SYNDIG1: variants seen among roughly 807,000 people sequenced by gnomAD.
The protein encoded by SYNDIG1 is synapse differentiation-inducing gene protein 1.
Under a neutral mutation model 19.4 loss-of-function variants are expected in SYNDIG1, and 9 were observed. The observed-to-expected ratio is 0.46, with a 90% CI of 0.28 to 0.81. The LOEUF (loss-of-function observed/expected upper bound fraction) is 0.81. Among genes scored for constraint, SYNDIG1 ranks in the 30% least tolerant of loss-of-function variants. The pLI is 0.12. For synonymous variants in SYNDIG1, 141 were observed against 145.9 expected (o/e 0.97, Z 0.24); for missense variants, 311 against 343.3 (o/e 0.91, Z 0.74).
intron 1 of SYNDIG1, among the ~76,000 whole-genome samples, chr20:24,510,569 C>CAA (rs372050983): frequency 4.4e-5 from 3 of 67,946 alleles, no homozygotes; most frequent in Admixed American, 1.7e-4. Context: ...AACTTGATCT[C>CAA]AAAAAAAAAA....
chr20:24,626,902 C>T (rs1384200924), intron 3 of SYNDIG1, among the ~76,000 whole-genome samples: 1 of 152,246 alleles, frequency 6.6e-6, no homozygotes, highest in African/African-American at 2.4e-5. Flanking sequence ...AGCGAAACCC[C>T]GTCTCCACCA....
intron 1 of SYNDIG1, among the ~76,000 whole-genome samples, chr20:24,475,039 A>T (rs868861338): frequency 1.3e-5 from 2 of 152,214 alleles, no homozygotes; most frequent in Admixed American, 1.3e-4. Context: ...CCCCACTTAG[A>T]AAAGCAAATA....
intron 1 of SYNDIG1, among the ~76,000 whole-genome samples, chr20:24,531,765 TGTGCTAC>T (rs1177586205): frequency 2.0e-5 from 3 of 152,246 alleles, no homozygotes; most frequent in African/African-American, 7.2e-5. Flanking sequence ...GTGTGCTATG[TGTGCTAC>T]GTGCAGGTGG....
intron 3 of SYNDIG1, among the ~76,000 whole-genome samples, chr20:24,609,977 A>T (rs921342542): frequency 6.6e-6 from 1 of 152,066 alleles, no homozygotes; most frequent in Non-Finnish European, 1.5e-5. Flanking sequence ...ACTGCTCACC[A>T]CCACCACATG....
At chr20:24,490,193 G>C (rs1233367339) in intron 1 of SYNDIG1, among the ~76,000 whole-genome samples, 1 of 152,248 alleles carries the variant, frequency 6.6e-6, no homozygotes, top group Non-Finnish European at 1.5e-5. Flanking sequence ...GGTTTGTCAT[G>C]GAGGGATCAG....
At chr20:24,646,085 T>G (rs919244739) in intron 3 of SYNDIG1, among the ~76,000 whole-genome samples, 6 of 152,174 alleles carry the variant, frequency 3.9e-5, no homozygotes, top group Non-Finnish European at 8.8e-5. Context: ...TCTGAGCCCC[T>G]CTTCAGTCAG....
At chr20:24,512,882 G>C (rs1325815795) in intron 1 of SYNDIG1, among the ~76,000 whole-genome samples, 1 of 152,120 alleles carries the variant, frequency 6.6e-6, no homozygotes, top group East Asian at 1.9e-4. Flanking sequence ...ACCATAGTAG[G>C]GGCAGACTGA....
chr20:24,496,780 A>G (rs1568585002), intron 1 of SYNDIG1, among the ~76,000 whole-genome samples: 4 of 152,168 alleles, frequency 2.6e-5, no homozygotes, highest in East Asian at 1.9e-4. Flanking sequence ...CCCTGACACA[A>G]TATACCCAGA....
At chr20:24,551,103 A>G (rs1262009162) in intron 2 of SYNDIG1, among the ~76,000 whole-genome samples, 1 of 152,192 alleles carries the variant, frequency 6.6e-6, no homozygotes. Flanking sequence ...TTTGTTTGTT[A>G]GAACTCACCA....
intron 2 of SYNDIG1, among the ~76,000 whole-genome samples, chr20:24,575,307 A>T (rs1284222076): frequency 6.6e-6 from 1 of 152,236 alleles, no homozygotes. Context: ...ATTTAAAGAA[A>T]TAGGACGGAG....
At chr20:24,557,301 G>T (rs961516740) in intron 2 of SYNDIG1, among the ~76,000 whole-genome samples, 1 of 152,070 alleles carries the variant, frequency 6.6e-6, no homozygotes, top group African/African-American at 2.4e-5. Context: ...TTCTTCTCTC[G>T]ACTCGTCAAA....
chr20:24,647,488 G>T (rs2059433209), intron 3 of SYNDIG1, among the ~76,000 whole-genome samples: 1 of 152,080 alleles, frequency 6.6e-6, no homozygotes, highest in Non-Finnish European at 1.5e-5. Context: ...TCTTTGGGAA[G>T]GGGAATGGTG....
chr20:24,574,415 G>T (rs1378650002), intron 2 of SYNDIG1, among the ~76,000 whole-genome samples: 1 of 152,100 alleles, frequency 6.6e-6, no homozygotes, highest in Non-Finnish European at 1.5e-5. Context: ...CTTCAACCTG[G>T]GAGGTGGAGG....
chr20:24,664,747 G>A (rs1388638693), intron 3 of SYNDIG1, among the ~76,000 whole-genome samples: 1 of 152,120 alleles, frequency 6.6e-6, no homozygotes, highest in East Asian at 1.9e-4. Flanking sequence ...GGGTGGGGAC[G>A]GTCAGGAAGT....
intron 2 of SYNDIG1, among the ~76,000 whole-genome samples, chr20:24,548,184 G>A (rs1169689432): frequency 6.6e-6 from 1 of 152,172 alleles, no homozygotes; most frequent in Admixed American, 6.5e-5. Context: ...TCACACACGT[G>A]GCTCTGCTGT....
At position 24,665,606 on chromosome 20, in the gene SYNDIG1, T is replaced by C; in HGVS notation, c.*102T>C. 2.0e-6 allele frequency: 3 copies of C among 1,494,340 alleles called. No individual in the cohort carries two copies. Among genetic ancestry groups the C allele is most frequent in the South Asian group, 2.6e-5 (2 of 78,324 alleles). 92.6% of individuals were successfully genotyped at this position (1,494,340 alleles called of 1,614,324 possible). A position where few individuals can be genotyped will look rare whatever the true frequency, so the allele number is the denominator to read the frequency against. On this transcript the variant is annotated 3_prime_UTR_variant, in exon 4 of 4. Transcript: ENST00000376862. Reference sequence around the variant, plus strand: ...CTGTACAGTACAAATGATTGCCAAATGATGCCACGAAGCCCTGGGATTTCC... The same window carrying C: ...CTGTACAGTACAAATGATTGCCAAACGATGCCACGAAGCCCTGGGATTTCC...
chr20:24,487,516 G>A (rs6049726), intron 1 of SYNDIG1, among the ~76,000 whole-genome samples: 21,380 of 152,076 alleles, frequency 0.14, 4,087 homozygotes, highest in African/African-American at 0.43. Flanking sequence ...TGTTATCTCA[G>A]GAATGTGAGG....
chr20:24,470,842 C>T (rs1289034568), intron 1 of SYNDIG1, among the ~76,000 whole-genome samples: 1 of 152,146 alleles, frequency 6.6e-6, no homozygotes, highest in East Asian at 1.9e-4. Context: ...CACAGTCCTC[C>T]TGCGACGTCA....
chr20:24,645,803 T>C (rs2059417550), intron 3 of SYNDIG1, among the ~76,000 whole-genome samples: 1 of 152,202 alleles, frequency 6.6e-6, no homozygotes, highest in Admixed American at 6.5e-5. Flanking sequence ...AGCAAATCAT[T>C]TGATATCATC....
Sources: allele counts gnomAD v4.1 joint callset (sites outside exome capture counted in the v4.1 genomes callset), GRCh38; gene constraint gnomAD v4.1.1; transcripts MANE v1.5; gene names NCBI Gene and HGNC (gene_info 2026-07-23, HGNC 2026-07-21).